The following PPP2R3C variants were observed in gnomAD, a reference collection of about 807,000 sequenced individuals.
PPP2R3C encodes protein phosphatase 2 regulatory subunit B''gamma.
Under a neutral mutation model 63.7 loss-of-function variants are expected in PPP2R3C, and 47 were observed. That is an observed-to-expected ratio of 0.74 (90% CI 0.58 to 0.94). The LOEUF (loss-of-function observed/expected upper bound fraction) is 0.94. PPP2R3C is among the 40% of genes least tolerant of loss of function. The pLI is 0.00. For missense variants in PPP2R3C, 421 were observed against 518.4 expected, an observed-to-expected ratio of 0.81 and a Z score of 1.82; for synonymous variants, 180 against 177.4, an observed-to-expected ratio of 1.01 and a Z score of -0.12.
intron 1 of PPP2R3C, among the ~76,000 whole-genome samples, chr14:35,117,709 T>C (rs1315518473): frequency 6.6e-6 from 1 of 151,908 alleles, no homozygotes; most frequent in Non-Finnish European, 1.5e-5. Flanking sequence ...TTTTTTTTTT[T>C]TGGAGATGGA....
chr14:35,118,058 T>C (rs1172240910), intron 1 of PPP2R3C, among the ~76,000 whole-genome samples: 2 of 152,196 alleles, frequency 1.3e-5, no homozygotes, highest in Admixed American at 1.3e-4. Flanking sequence ...GGCTCAGTGC[T>C]GTTGTAGAAA....
chr14:35,115,986 A>C (rs759617098), intron 2 of PPP2R3C, among the ~76,000 whole-genome samples: 23 of 152,180 alleles, frequency 1.5e-4, no homozygotes, highest in Non-Finnish European at 2.5e-4. Flanking sequence ...CAAAATTTTA[A>C]AACTTTATAA....
At chr14:35,088,258 TAA>T (rs961671609) in intron 11 of PPP2R3C, among the ~76,000 whole-genome samples, 1 of 152,100 alleles carries the variant, frequency 6.6e-6, no homozygotes, top group African/African-American at 2.4e-5. Context: ...GGAAAAAAAA[TAA>T]AAAGATTACG....
At chr14:35,095,912 G>C (rs2045984874) in intron 9 of PPP2R3C, among the ~76,000 whole-genome samples, 1 of 143,854 alleles carries the variant, frequency 7.0e-6, no homozygotes, top group African/African-American at 2.6e-5. Flanking sequence ...AGATAATGTA[G>C]ATTAGCTCCA....
chr14:35,093,007 G>A (rs1424910388), intron 10 of PPP2R3C, among the ~76,000 whole-genome samples: 4 of 152,120 alleles, frequency 2.6e-5, no homozygotes, highest in South Asian at 2.1e-4. Context: ...TCAAGAGATC[G>A]AGACCATACT....
intron 6 of PPP2R3C, among the ~76,000 whole-genome samples, chr14:35,102,957 G>A (rs111778408): frequency 0.071 from 10,863 of 151,942 alleles, 488 homozygotes; most frequent in Middle Eastern, 0.11. Context: ...ACGGGGTTTC[G>A]TCATGTTGGC....
chr14:35,103,207 G>A (rs1429607221), intron 6 of PPP2R3C, among the ~76,000 whole-genome samples: 2 of 152,134 alleles, frequency 1.3e-5, no homozygotes, highest in African/African-American at 4.8e-5. Context: ...GGCCCAAAAG[G>A]CCCTACATGT....
chr14:35,115,788 AT>A (rs1451565105), intron 2 of PPP2R3C, among the ~76,000 whole-genome samples: 1 of 151,784 alleles, frequency 6.6e-6, no homozygotes, highest in Non-Finnish European at 1.5e-5. Context: ...CGCCTGGCTA[AT>A]TTTTGTATTT....
chr14:35,110,458 T>C, intron 3 of PPP2R3C, 67 bp downstream of exon 3: 1 of 1,091,944 alleles, frequency 9.2e-7, no homozygotes, highest in African/African-American at 1.6e-5. Flanking sequence ...CAAGAAATCC[T>C]GCATGATTTA....
At chr14:35,121,868 G>A (rs775915733) in intron 1 of PPP2R3C, 34 bp downstream of exon 1, 1 of 1,612,996 alleles carries the variant, frequency 6.2e-7, no homozygotes, top group Admixed American at 1.7e-5. Flanking sequence ...TTAGGGCCGG[G>A]CCATCCCAAC....
At chr14:35,100,187 T>A (rs1467304316) in intron 6 of PPP2R3C, 1 of 152,254 alleles carries the variant, frequency 6.6e-6, no homozygotes, top group East Asian at 1.9e-4. Context: ...ATTGCATAGA[T>A]GTGCCATATT....
intron 10 of PPP2R3C, among the ~76,000 whole-genome samples, chr14:35,093,054 C>CAA (rs201962643): frequency 6.6e-5 from 10 of 150,888 alleles, no homozygotes; most frequent in Admixed American, 4.0e-4. Flanking sequence ...ACTAAAAATA[C>CAA]AAAAAAAAAT....
Position 35,108,122 on chromosome 14 carries a change from C to T in PPP2R3C, c.502+17G>A. On this transcript the variant is annotated intron_variant, in intron 5 of 12. Transcript: ENST00000261475. Reference sequence around the variant, plus strand: ...GATTCCCAGATAAGGAGTTCAAGCACAGTAAAAATGAATCACCTTTTCTCA... The same window carrying T: ...GATTCCCAGATAAGGAGTTCAAGCATAGTAAAAATGAATCACCTTTTCTCA... 1 of 1,604,632 alleles carries T rather than the reference C, an allele frequency of 6.2e-7. No individual in the cohort carries two copies. The highest frequency in any genetic ancestry group is 8.5e-7 in the Non-Finnish European group (1 of 1,177,542).
rs61754152 is a variant in PPP2R3C at position 35,091,210 on chromosome 14, A to G, written c.976-3T>C. 824 of 1,598,534 alleles carry G rather than the reference A, an allele frequency of 5.2e-4. No individual in the cohort carries two copies. The highest frequency in any genetic ancestry group is 1.6e-3 in the Middle Eastern group (7 of 4,472). ...AAGTCCAAGTAGGTCTTATAGTCCT[A>G]CAGAACAGAAAATAATGTTCATTAG... On this transcript the variant is annotated splice_polypyrimidine_tract_variant and splice_region_variant and intron_variant, in intron 10 of 12. Transcript: ENST00000261475.
chr14:35,097,720 A>G (rs2046043907), intron 7 of PPP2R3C, among the ~76,000 whole-genome samples: 1 of 152,048 alleles, frequency 6.6e-6, no homozygotes, highest in African/African-American at 2.4e-5. Context: ...CTGACCTCAG[A>G]TGATTCACCC....
intron 12 of PPP2R3C, 25 bp from the exon 13 acceptor site, chr14:35,085,803 G>T: frequency 6.4e-7 from 1 of 1,558,698 alleles, no homozygotes. Flanking sequence ...AAAATACAAT[G>T]AAATTTGATC....
chr14:35,103,259 G>A (rs949681489), intron 6 of PPP2R3C, among the ~76,000 whole-genome samples: 8 of 152,096 alleles, frequency 5.3e-5, no homozygotes, highest in Non-Finnish European at 1.0e-4. Flanking sequence ...TGTTACTATA[G>A]TCCTTGTTCT....
At chr14:35,121,833 C>G in intron 1 of PPP2R3C, 69 bp downstream of exon 1, 2 of 1,555,902 alleles carry the variant, frequency 1.3e-6, no homozygotes, top group African/African-American at 1.4e-5. Context: ...CTCCTCCTCC[C>G]CACCTCCCCC....
Position 35,120,294 on chromosome 14 carries a change from A to T in PPP2R3C, c.58+1608T>A, listed in dbSNP as rs565341416. 2.1e-4 allele frequency among the ~76,000 whole-genome samples: 32 copies of T among 151,430 alleles called. No homozygotes were observed. In the South Asian group the frequency reaches 6.7e-3, roughly 32 times the overall value. The stretch of plus-strand genomic sequence containing the variant: ...AGTGTCGCTCGGTCGCCCAGGCCGG[A>T]GTGCAGTGGCACAATCTCGGGCTCA... On this transcript the variant is annotated intron_variant, in intron 1 of 12. Coordinates refer to ENST00000261475, the MANE Select transcript of PPP2R3C (RefSeq NM_017917.4).
Sources: gnomAD v4.1 joint callset for allele counts (sites outside exome capture counted in the v4.1 genomes callset) on GRCh38, gnomAD v4.1.1 for gene constraint, MANE v1.5 for transcripts, NCBI Gene and HGNC (gene_info 2026-07-23, HGNC 2026-07-21) for gene names.